The following PATJ variants were observed in gnomAD, a reference collection of about 807,000 sequenced individuals.
PATJ encodes PATJ crumbs cell polarity complex component.
PATJ carries 190 observed loss-of-function variants against 224.9 expected under a neutral mutation model. The observed-to-expected ratio is 0.84, with a 90% confidence interval of 0.75 to 0.95. The LOEUF (loss-of-function observed/expected upper bound fraction) is 0.95, where lower values mean the gene tolerates loss of function less well. Ranked by LOEUF, PATJ falls within the 40% of genes least tolerant of loss-of-function variation. The probability of loss-of-function intolerance (pLI) is 0.00; values close to 1 mark genes in which losing one functional copy is unlikely to be tolerated. For missense variants in PATJ, 2,121 were observed against 2,270.3 expected, an observed-to-expected ratio of 0.93 and a Z score of 1.34; for synonymous variants, 769 against 820.3, an observed-to-expected ratio of 0.94 and a Z score of 1.07.
rs759333470 is a variant in PATJ at position 61,979,429 on chromosome 1, C to A, written c.3671-10739C>A. Among the ~76,000 whole-genome samples, 63 of 151,970 alleles carry A rather than the reference C, an allele frequency of 4.1e-4. 1 individual carries two copies. The highest frequency in any genetic ancestry group is 1.5e-3 in the African/African-American group (61 of 41,328). On this transcript the variant is annotated intron_variant, in intron 27 of 43. Coordinates refer to ENST00000642238, the MANE Select transcript of PATJ (RefSeq NM_001350145.3). The stretch of plus-strand genomic sequence containing the variant: ...CAGCACTTTGGGAGGCCAAGGTGGG[C>A]AGATCACGAGGTCAGGAGATTGAGA...
chr1:62,059,185 A>G (rs530857930), intron 31 of PATJ, among the ~76,000 whole-genome samples: 1 of 152,200 alleles, frequency 6.6e-6, no homozygotes, highest in Non-Finnish European at 1.5e-5. Flanking sequence ...AAAACCACCA[A>G]GTCAGCAGGG....
At chr1:61,858,704 T>G (rs1664091580) in intron 18 of PATJ, among the ~76,000 whole-genome samples, 1 of 152,194 alleles carries the variant, frequency 6.6e-6, no homozygotes, top group Non-Finnish European at 1.5e-5. Context: ...GGGATTAAAA[T>G]TCAATATAAG....
intron 41 of PATJ, among the ~76,000 whole-genome samples, chr1:62,146,265 A>G (rs1668028486): frequency 6.6e-6 from 1 of 152,068 alleles, no homozygotes; most frequent in Non-Finnish European, 1.5e-5. Flanking sequence ...GTTAGGGGAG[A>G]GGCAGAGATG....
intron 1 of PATJ, among the ~76,000 whole-genome samples, chr1:61,760,134 G>A (rs191365125): frequency 5.3e-5 from 8 of 152,276 alleles, no homozygotes; most frequent in Admixed American, 1.3e-4. Flanking sequence ...ACAGTTACCT[G>A]TCACTGGGTA....
Position 62,059,616 on chromosome 1 carries a change from C to CA in PATJ, c.4125+8569dup, listed in dbSNP as rs536875774. On this transcript the variant is annotated intron_variant, in intron 31 of 43. Transcript: ENST00000642238. ...TGGGTGAGAGAGCGAGACTCCATCT[C>CA]AAAAAAAAAAAGAATTGGTTAGATA... 2.8e-3 allele frequency among the ~76,000 whole-genome samples: 374 copies of CA among 134,044 alleles called. 3 individuals carry two copies. Among genetic ancestry groups the CA allele is most frequent in the Non-Finnish European group, 2.3e-3 (140 of 61,682 alleles). The allele number at this position is 134,044 out of a possible 152,430, so 87.9% of individuals were successfully genotyped here.
chr1:62,016,234 G>C (rs1383581074), intron 28 of PATJ, among the ~76,000 whole-genome samples: 1 of 152,170 alleles, frequency 6.6e-6, no homozygotes, highest in African/African-American at 2.4e-5. Context: ...CCACTTTTTA[G>C]ATAGTTGAAA....
chr1:61,908,552 C>CT, intron 25 of PATJ, 70 bp downstream of exon 25: 1 of 899,628 alleles, frequency 1.1e-6, no homozygotes, highest in South Asian at 1.4e-5. Flanking sequence ...GCTTTGGCCT[C>CT]TAAGTATTTT....
chr1:61,878,435 T>C (rs10889262), intron 21 of PATJ, among the ~76,000 whole-genome samples: 78,241 of 151,986 alleles, frequency 0.51, 20,400 homozygotes, highest in East Asian at 0.73. Context: ...CATTGCCAAC[T>C]GATTGGACCC....
At chr1:62,107,136 C>T (rs1028046601) in intron 33 of PATJ, among the ~76,000 whole-genome samples, 13 of 152,052 alleles carry the variant, frequency 8.5e-5, no homozygotes, top group Admixed American at 2.0e-4. Context: ...GAAACCCCGT[C>T]TCTACTAAAA....
intron 15 of PATJ, among the ~76,000 whole-genome samples, chr1:61,825,924 A>T (rs1302582489): frequency 6.6e-6 from 1 of 152,112 alleles, no homozygotes; most frequent in African/African-American, 2.4e-5. Flanking sequence ...AACTTTGTGC[A>T]CCTGTGACAC....
intron 41 of PATJ, among the ~76,000 whole-genome samples, chr1:62,136,964 A>C (rs1468897622): frequency 6.6e-6 from 1 of 152,188 alleles, no homozygotes; most frequent in Non-Finnish European, 1.5e-5. Flanking sequence ...GGAGAGTTCT[A>C]AGCAAGGAGC....
chr1:61,984,064 A>G (rs1644598384), intron 27 of PATJ, among the ~76,000 whole-genome samples: 1 of 151,918 alleles, frequency 6.6e-6, no homozygotes, highest in Non-Finnish European at 1.5e-5. Context: ...CCCTTAAGCA[A>G]TCTTTCTGCC....
intron 27 of PATJ, among the ~76,000 whole-genome samples, chr1:61,988,032 C>A (rs1165712344): frequency 1.3e-5 from 2 of 152,074 alleles, no homozygotes; most frequent in African/African-American, 2.4e-5. Context: ...AACCCTGTCT[C>A]TACTAAAAAT....
At chr1:61,974,078 C>T (rs1643978346) in intron 27 of PATJ, among the ~76,000 whole-genome samples, 1 of 151,732 alleles carries the variant, frequency 6.6e-6, no homozygotes, top group African/African-American at 2.4e-5. Flanking sequence ...CAGACACCAG[C>T]ACTTCATACA....
intron 34 of PATJ, among the ~76,000 whole-genome samples, chr1:62,109,134 A>C (rs563718906): frequency 6.6e-6 from 1 of 152,218 alleles, no homozygotes; most frequent in East Asian, 1.9e-4. Context: ...GGAATGGCTG[A>C]AGGAGAAGGC....
intron 21 of PATJ, among the ~76,000 whole-genome samples, chr1:61,881,987 A>G (rs1483659249): frequency 2.0e-5 from 3 of 152,178 alleles, no homozygotes; most frequent in Non-Finnish European, 4.4e-5. Flanking sequence ...TTTAAACTTA[A>G]AAACTCATTG....
rs150686920 is a variant in PATJ at position 62,124,855 on chromosome 1, C to T, written c.5043+1797C>T. The stretch of plus-strand genomic sequence containing the variant: ...GGCCTCATTTTAAAGGCCCTATCTC[C>T]AAATACAGTCACATTCTGAGGCCCT... On this transcript the variant is annotated intron_variant, in intron 39 of 43. Transcript: ENST00000642238. 6.1e-3 allele frequency among the ~76,000 whole-genome samples: 922 copies of T among 152,220 alleles called. 18 individuals carry two copies. Among genetic ancestry groups the T allele is most frequent in the African/African-American group, 0.022 (894 of 41,520 alleles).
chr1:62,013,818 G>A (rs1036286411), intron 28 of PATJ, among the ~76,000 whole-genome samples: 3 of 152,158 alleles, frequency 2.0e-5, no homozygotes, highest in Non-Finnish European at 4.4e-5. Flanking sequence ...CTGTTGCCCA[G>A]GCTGGAGTGC....
chr1:61,966,386 T>C (rs766082577), intron 27 of PATJ, among the ~76,000 whole-genome samples: 4 of 151,722 alleles, frequency 2.6e-5, no homozygotes, highest in Non-Finnish European at 4.4e-5. Context: ...GTCCATAGAG[T>C]AAAGTGAAAG....
Sources: gnomAD v4.1 joint callset for allele counts (sites outside exome capture counted in the v4.1 genomes callset) on GRCh38, gnomAD v4.1.1 for gene constraint, MANE v1.5 for transcripts, NCBI Gene and HGNC (gene_info 2026-07-23, HGNC 2026-07-21) for gene names.